The following TMC6 variants were observed in gnomAD, a reference collection of about 807,000 sequenced individuals.
TMC6 encodes the protein transmembrane channel like 6.
Under a neutral mutation model 95.4 loss-of-function variants are expected in TMC6, and 71 were observed. The ratio of observed to expected loss-of-function variants is 0.74; its 90% CI spans 0.61 to 0.91. The LOEUF (loss-of-function observed/expected upper bound fraction) is 0.91, where lower values mean the gene tolerates loss of function less well. TMC6 is among the 40% of genes least tolerant of loss of function. The pLI is 0.00. For synonymous variants in TMC6, 514 were observed against 483.1 expected, an observed-to-expected ratio of 1.06 and a Z score of -0.84; for missense variants, 1,074 against 1,079.1, an observed-to-expected ratio of 1.00 and a Z score of 0.07.
Position 78,109,532 on chromosome 17 carries a change from G to A in TMC6, c.*3616C>T, listed in dbSNP as rs997493592. Reference sequence around the variant, plus strand: ...ACCAGAAGCAGACACTCAGGAGGCTGAGGCGGGAGGATCACCTGAGCCCAG... The same window carrying A: ...ACCAGAAGCAGACACTCAGGAGGCTAAGGCGGGAGGATCACCTGAGCCCAG... On this transcript the variant is annotated 3_prime_UTR_variant, in exon 20 of 20. Coordinates refer to ENST00000590602, the MANE Select transcript of TMC6 (RefSeq NM_001127198.5). 5 of 456,546 alleles carry A rather than the reference G, an allele frequency of 1.1e-5. No individual in the cohort carries two copies. The highest frequency in any genetic ancestry group is 2.3e-5 in the Admixed American group (1 of 42,566). The allele number at this position is 456,546 out of a possible 1,614,324, so 28.3% of individuals were successfully genotyped here.
In TMC6 at chr17:78,121,499, C is replaced by G; in HGVS notation, c.1383+57G>C. The stretch of plus-strand genomic sequence containing the variant: ...AGGCTGCCTCCCCAGGGGGCAGGTG[C>G]CCAGAGTCACTGGGGACACGTTCCA... On this transcript the variant is annotated intron_variant, in intron 11 of 19. Coordinates refer to ENST00000590602, the MANE Select transcript of TMC6 (RefSeq NM_001127198.5). The surrounding 1 kb of genome is among the most constrained non-coding windows in gnomAD (Gnocchi z 5.6). 6.2e-7 allele frequency: 1 copy of G among 1,608,942 alleles called. No homozygotes were observed. The highest frequency in any genetic ancestry group is 8.5e-7 in the Non-Finnish European group (1 of 1,179,078).
In TMC6 at chr17:78,108,786, ATTTT is replaced by A. The variant is rs1555649239; in HGVS notation, c.*4358_*4361del. ...TCTTCACCTGCATCTGTGGATATAT[ATTTT>A]TTTAAGTTTATTAAATTTTTTTTTA... On this transcript the variant is annotated 3_prime_UTR_variant, in exon 20 of 20. Coordinates refer to ENST00000590602, the MANE Select transcript of TMC6 (RefSeq NM_001127198.5). The A allele has an allele frequency of 6.6e-6, 1 of 152,198 alleles. No individual in the cohort carries two copies. Among genetic ancestry groups the A allele is most frequent in the Non-Finnish European group, 1.5e-5 (1 of 68,078 alleles). 9.4% of individuals were successfully genotyped at this position (152,198 alleles called of 1,614,324 possible). A position where few individuals can be genotyped will look rare whatever the true frequency, so the allele number is the denominator to read the frequency against.
In TMC6 at chr17:78,109,669, G is replaced by GGGC. The variant is rs1477975356; in HGVS notation, c.*3476_*3478dup. 7.2e-6 allele frequency: 3 copies of GGGC among 417,224 alleles called. No homozygotes were observed. Among genetic ancestry groups the GGGC allele is most frequent in the Admixed American group, 2.5e-5 (1 of 40,204 alleles). The allele number at this position is 417,224 out of a possible 1,614,324, so 25.8% of individuals were successfully genotyped here. A position where few individuals can be genotyped will look rare whatever the true frequency, so the allele number is the denominator to read the frequency against. On this transcript the variant is annotated 3_prime_UTR_variant, in exon 20 of 20. Coordinates refer to ENST00000590602, the MANE Select transcript of TMC6 (RefSeq NM_001127198.5). Reference sequence around the variant, plus strand: ...CATTTCCGAAGCCCCCCAAGCCCACGGGCGTGAGTGCATGCATGCGTTTGT... The same window carrying GGGC: ...CATTTCCGAAGCCCCCCAAGCCCACGGGCGGCGTGAGTGCATGCATGCGTTTGT...
In TMC6 at chr17:78,124,943, C is replaced by T. The variant is rs1387592973; in HGVS notation, c.579G>A (p.Pro193=). ...AGCAGGAGCAGACCCCGCCGCTGCC[C>T]GGCTGGCCCCTCCACTTCCCCCTCG... ...RTPRGKWRGQ[P]GSGGVCSCCG... is the part of the protein sequence containing the mutation. Residue 193 remains proline (P), a synonymous_variant, in exon 7 of 20, where the codon CCG becomes CCA. Transcript: ENST00000590602. 12 of 1,600,614 alleles carry T rather than the reference C, an allele frequency of 7.5e-6. No homozygotes were observed. Among genetic ancestry groups the T allele is most frequent in the East Asian group, 2.2e-5 (1 of 44,524 alleles).
At chr17:78,116,464 G>C (rs1258285846) in intron 18 of TMC6, among the ~76,000 whole-genome samples, 1 of 151,978 alleles carries the variant, frequency 6.6e-6, no homozygotes, top group East Asian at 1.9e-4. Context: ...ATAGAGACGA[G>C]GTTTCACTCT....
chr17:78,125,189 G>A lies in TMC6; in HGVS notation c.505C>T (p.Pro169Ser). The change falls in exon 6 of 20, where the codon CCC (proline) becomes TCC (serine). Residue 169 changes from proline (P) to serine (S), a missense_variant. Transcript: ENST00000590602. The part of the protein sequence containing the change: ...AQRDHMLRGM[P>S]LSLAEKRSLR... ...CTGCGTTTCTCAGCCAGGCTTAAGG[G>A]CATCCCGCGAAGCATGTGGTCCCGC... 1 of 1,583,620 alleles carries A rather than the reference G, an allele frequency of 6.3e-7. No individual in the cohort carries two copies. Among genetic ancestry groups the A allele is most frequent in the Non-Finnish European group, 8.6e-7 (1 of 1,164,596 alleles).
chr17:78,124,781 C>A lies in TMC6; in HGVS notation c.634G>T (p.Ala212Ser). 1 of 1,580,970 alleles carries A rather than the reference C, an allele frequency of 6.3e-7. No individual in the cohort carries two copies. The highest frequency in any genetic ancestry group is 8.6e-7 in the Non-Finnish European group (1 of 1,164,254). ...CGRLRYACVL[A>S]LHSLGLALLS... ...AGCGCCAGGCCCAGGCTGTGCAAGGCCTGCGGGCACAGGCAGAGAGGCCCT... is the reference window on the plus strand; with the variant it reads ...AGCGCCAGGCCCAGGCTGTGCAAGGACTGCGGGCACAGGCAGAGAGGCCCT... The change falls in exon 8 of 20, where the codon GCC becomes TCC. Residue 212 changes from alanine to serine, a missense_variant and splice_region_variant. Transcript: ENST00000590602.
At position 78,125,817 on chromosome 17, in the gene TMC6, G is replaced by A; in HGVS notation, c.339C>T (p.Ser113=). 6.4e-7 allele frequency: 1 copy of A among 1,556,418 alleles called. No homozygotes were observed. The highest frequency in any genetic ancestry group is 1.4e-5 in the African/African-American group (1 of 73,370). ...NRTVQLRCRS[S]RPLLGNFVRS... is the part of the protein sequence containing the mutation. ...GGACAAAGTTCCCGAGCAGGGGCCGGCTGCTCCTGCACCGAAGCTGCACCG... is the reference window on the plus strand; with the variant it reads ...GGACAAAGTTCCCGAGCAGGGGCCGACTGCTCCTGCACCGAAGCTGCACCG... Residue 113 remains serine (S), a synonymous_variant, in exon 5 of 20, where the codon AGC becomes AGT. Coordinates refer to ENST00000590602, the MANE Select transcript of TMC6 (RefSeq NM_001127198.5).
rs780412001 is a variant in TMC6 at position 78,119,396 on chromosome 17, C to G, written c.1716-4G>C. 6.2e-7 allele frequency: 1 copy of G among 1,612,276 alleles called. No homozygotes were observed. Among genetic ancestry groups the G allele is most frequent in the South Asian group, 1.1e-5 (1 of 91,006 alleles). ...CAGCTTCTTCTCGGAGATAATCCTGCCTCCGAGGACCCCGGATCGTTAGAT... is the reference window on the plus strand; with the variant it reads ...CAGCTTCTTCTCGGAGATAATCCTGGCTCCGAGGACCCCGGATCGTTAGAT... On this transcript the variant is annotated splice_region_variant and splice_polypyrimidine_tract_variant and intron_variant, in intron 13 of 19. Transcript: ENST00000590602.
rs756468466 is a variant in TMC6 at position 78,117,299 on chromosome 17, G to A, written c.2247C>T (p.Val749=). The A allele has an allele frequency of 1.9e-6, 3 of 1,613,434 alleles. No homozygotes were observed. In the African/African-American group the frequency reaches 4.0e-5, roughly 22 times the overall value. ...NIQVVRGQRK[V]ICLLKEQISN... The stretch of plus-strand genomic sequence containing the variant: ...TGATCTGCTCCTTGAGCAGGCAGAT[G>A]ACCTTGCGCTGGCCCCGCACCACCT... Residue 749 remains valine (V), a synonymous_variant, in exon 18 of 20, where the codon GTC becomes GTT. Coordinates refer to ENST00000590602, the MANE Select transcript of TMC6 (RefSeq NM_001127198.5).
rs1018625824 is a variant in TMC6, at chr17:78,125,945, G to A, written c.272-61C>T. Reference sequence around the variant, plus strand: ...GGCCAGGCCTCCCTCCCCTCAGGATGGGCTCACCACAGGCCTCTGCGTCCC... The same window carrying A: ...GGCCAGGCCTCCCTCCCCTCAGGATAGGCTCACCACAGGCCTCTGCGTCCC... On this transcript the variant is annotated intron_variant, in intron 4 of 19. Transcript: ENST00000590602. The A allele has an allele frequency of 3.9e-6, 6 of 1,547,044 alleles. No homozygotes were observed. In the African/African-American group the frequency reaches 8.2e-5, roughly 21 times the overall value.
rs1440960987 is a variant in TMC6 at position 78,123,553 on chromosome 17, GTGGGTGGA to G, written c.1082+428_1082+435del. Among the ~76,000 whole-genome samples, 53 of 147,738 alleles carry G rather than the reference GTGGGTGGA, an allele frequency of 3.6e-4. No homozygotes were observed. In the South Asian group the frequency reaches 0.011, roughly 30 times the overall value. Reference sequence around the variant, plus strand: ...GGTAGATGGATGAATGGGTGGATGGGTGGGTGGATGGGTGAATGGGTGAATGTGTGAAT... The same window carrying G: ...GGTAGATGGATGAATGGGTGGATGGGTGGGTGAATGGGTGAATGTGTGAAT... On this transcript the variant is annotated intron_variant, in intron 9 of 19. Coordinates refer to ENST00000590602, the MANE Select transcript of TMC6 (RefSeq NM_001127198.5).
intron 8 of TMC6, 105 bp downstream of exon 8, chr17:78,124,419 G>T: frequency 2.6e-6 from 4 of 1,554,934 alleles, no homozygotes; most frequent in Non-Finnish European, 2.6e-6. Flanking sequence ...AGTCACAGCG[G>T]GGCAAGGGTT....
At chr17:78,132,120 C>T, upstream of TMC6, 3 of 1,521,396 alleles carry the variant, frequency 2.0e-6, no homozygotes, top group Non-Finnish European at 2.6e-6. Context: ...ATCCCACCTG[C>T]CTTCACCCGG....
chr17:78,117,806 A>C lies in TMC6; in HGVS notation c.2017T>G (p.Trp673Gly). The part of the protein sequence containing the change: ...GAAVFLCYAV[W>G]QVKPSSTCGP... ...CCCTCCACCCGCCCCACTCACTGCC[A>C]GACGGCGTAGCAGAGGAAGACAGCG... The change falls in exon 16 of 20, where the codon TGG becomes GGG. Residue 673 changes from tryptophan to glycine, a missense_variant. Transcript: ENST00000590602. 2 of 1,606,522 alleles carry C rather than the reference A, an allele frequency of 1.2e-6. No individual in the cohort carries two copies. The highest frequency in any genetic ancestry group is 1.7e-6 in the Non-Finnish European group (2 of 1,176,850).
chr17:78,131,950 T>C (rs1598895695), upstream of TMC6: 1 of 1,515,586 alleles, frequency 6.6e-7, no homozygotes, highest in Non-Finnish European at 8.8e-7. Context: ...CGGCAGACGG[T>C]GGAAAGGCGC....
In TMC6 at chr17:78,117,848, G is replaced by A; in HGVS notation, c.1975C>T (p.Pro659Ser). Residue 659 changes from proline (P) to serine (S), a missense_variant, in exon 16 of 20, where the codon CCC (proline) becomes TCC (serine). Pro to Ser is a moderately conservative substitution (Grantham distance 74). Transcript: ENST00000590602. ...STVFLTLLCFPAFLGAAVFLC... is the reference protein window; with the variant it reads ...STVFLTLLCFSAFLGAAVFLC... ...AAGACAGCGGCGCCCAGGAAGGCGGGGAAGCAGAGCAGCGTGAGGAAGACG... is the reference window on the plus strand; with the variant it reads ...AAGACAGCGGCGCCCAGGAAGGCGGAGAAGCAGAGCAGCGTGAGGAAGACG... 1.2e-6 allele frequency: 2 copies of A among 1,608,384 alleles called. No individual in the cohort carries two copies. Among genetic ancestry groups the A allele is most frequent in the Non-Finnish European group, 1.7e-6 (2 of 1,177,628 alleles).
At position 78,111,824 on chromosome 17, in the gene TMC6, G is replaced by A. The variant is rs765006880; in HGVS notation, c.*1324C>T. 6 of 199,276 alleles carry A rather than the reference G, an allele frequency of 3.0e-5. No individual in the cohort carries two copies. Among genetic ancestry groups the A allele is most frequent in the East Asian group, 1.8e-4 (1 of 5,634 alleles). The allele number at this position is 199,276 out of a possible 1,614,324, so 12.3% of individuals were successfully genotyped here. On this transcript the variant is annotated 3_prime_UTR_variant, in exon 20 of 20. Transcript: ENST00000590602. ...TGGGTTCATTCCCCCAATCCCAAGC[G>A]CAGCTCCTGCAGGCCTGGAGCCCTG...
Position 78,109,651 on chromosome 17 carries a change from GAAGCCCCCC to G in TMC6, c.*3488_*3496del, listed in dbSNP as rs920557840. On this transcript the variant is annotated 3_prime_UTR_variant, in exon 20 of 20. Transcript: ENST00000590602. ...CTCAAAAAAGCAGAAGCACATTTCC[GAAGCCCCCC>G]AAGCCCACGGGCGTGAGTGCATGCA... is the stretch of plus-strand genomic sequence containing the variant. 6.9e-6 allele frequency: 3 copies of G among 432,756 alleles called. No individual in the cohort carries two copies. Among genetic ancestry groups the G allele is most frequent in the African/African-American group, 6.0e-5 (3 of 49,760 alleles). 26.8% of individuals were successfully genotyped at this position (432,756 alleles called of 1,614,324 possible). A position where few individuals can be genotyped will look rare whatever the true frequency, so the allele number is the denominator to read the frequency against.
Sources: gnomAD v4.1 joint callset for allele counts (sites outside exome capture counted in the v4.1 genomes callset) on GRCh38, gnomAD v4.1.1 for gene constraint, Gnocchi (gnomAD v3.1) non-coding constraint, MANE v1.5 for transcripts, NCBI Gene and HGNC (gene_info 2026-07-23, HGNC 2026-07-21) for gene names.